The following GAB2 variants were observed in gnomAD, a reference collection of about 807,000 sequenced individuals.
The protein encoded by GAB2 is GRB2-associated-binding protein 2.
Under a neutral mutation model 65.5 loss-of-function variants are expected in GAB2, and 26 were observed. The observed-to-expected ratio is 0.40, with a 90% CI of 0.29 to 0.55. The LOEUF is 0.55. GAB2 is among the 20% of genes least tolerant of loss of function. GAB2 has a pLI of 0.53. For synonymous variants in GAB2, 321 were observed against 329.6 expected, an observed-to-expected ratio of 0.97 and a Z score of 0.28; for missense variants, 884 against 875.8, an observed-to-expected ratio of 1.01 and a Z score of -0.12.
chr11:78,215,883 A>C lies in GAB2; in HGVS notation c.*3389T>G, dbSNP rs1364429907. 6.5e-6 allele frequency: 1 copy of C among 152,714 alleles called. No homozygotes were observed. The highest frequency in any genetic ancestry group is 2.4e-5 in the African/African-American group (1 of 41,444). The allele number at this position is 152,714 out of a possible 1,614,324, so 9.5% of individuals were successfully genotyped here. ...GAAATGGGATAGGGGTGCTGGGCCGAGATGTCCCCATGGGAGAAGGGGCCA... is the reference window on the plus strand; with the variant it reads ...GAAATGGGATAGGGGTGCTGGGCCGCGATGTCCCCATGGGAGAAGGGGCCA... On this transcript the variant is annotated 3_prime_UTR_variant, in exon 10 of 10. Transcript: ENST00000361507.
chr11:78,299,096 AC>A (rs1439542065), intron 1 of GAB2, among the ~76,000 whole-genome samples: 1 of 152,180 alleles, frequency 6.6e-6, no homozygotes, highest in Non-Finnish European at 1.5e-5. Flanking sequence ...TCTACTACAG[AC>A]TATTCAAGGA....
chr11:78,260,596 C>T (rs1005069532), intron 2 of GAB2, among the ~76,000 whole-genome samples: 5 of 152,020 alleles, frequency 3.3e-5, no homozygotes, highest in East Asian at 3.9e-4. Context: ...CTCAGCCTCC[C>T]GAGTAGCTGG....
At chr11:78,412,414 T>A (rs188551604) in intron 1 of GAB2, among the ~76,000 whole-genome samples, 101 of 152,248 alleles carry the variant, frequency 6.6e-4, no homozygotes, top group African/African-American at 2.2e-3. Flanking sequence ...AAGTTCAAAA[T>A]CTTAAGTACT....
intron 1 of GAB2, among the ~76,000 whole-genome samples, chr11:78,395,191 C>T (rs536177630): frequency 1.7e-4 from 26 of 152,356 alleles, no homozygotes; most frequent in Admixed American, 2.6e-4. Context: ...CGGCGGCTCA[C>T]GCCTGTAATC....
chr11:78,300,695 G>T (rs10899463), intron 1 of GAB2, among the ~76,000 whole-genome samples: 8,312 of 112,484 alleles, frequency 0.074, 677 homozygotes, highest in African/African-American at 0.23. Flanking sequence ...GTTTTTTTTT[G>T]TTTTTTTTTT....
intron 1 of GAB2, among the ~76,000 whole-genome samples, chr11:78,309,321 C>T (rs781008585): frequency 6.6e-6 from 1 of 151,766 alleles, no homozygotes; most frequent in Non-Finnish European, 1.5e-5. Context: ...ACAACCATCA[C>T]CACTATTTAA....
intron 1 of GAB2, among the ~76,000 whole-genome samples, chr11:78,298,745 C>G (rs1437470013): frequency 6.6e-6 from 1 of 152,122 alleles, no homozygotes; most frequent in Non-Finnish European, 1.5e-5. Context: ...CTGAATTAAG[C>G]AAAGGTTACC....
intron 1 of GAB2, among the ~76,000 whole-genome samples, chr11:78,344,462 G>A (rs1856148647): frequency 6.6e-6 from 1 of 152,198 alleles, no homozygotes; most frequent in African/African-American, 2.4e-5. Flanking sequence ...GACGGAAAGA[G>A]AATCTATTTG....
At chr11:78,358,445 A>AATT (rs1430560796) in intron 1 of GAB2, among the ~76,000 whole-genome samples, 1 of 138,338 alleles carries the variant, frequency 7.2e-6, no homozygotes, top group African/African-American at 2.8e-5. Flanking sequence ...AAAATATAAT[A>AATT]ATAATAATAA....
chr11:78,334,579 G>T (rs1855967979), intron 1 of GAB2, among the ~76,000 whole-genome samples: 1 of 152,206 alleles, frequency 6.6e-6, no homozygotes, highest in Non-Finnish European at 1.5e-5. Context: ...TGTTGCAAAT[G>T]AGAGGATCTC....
chr11:78,316,825 T>C lies in GAB2; in HGVS notation c.76-35924A>G, dbSNP rs539454497. The stretch of plus-strand genomic sequence containing the variant: ...ACTGAAAGCAGGAACACAAACGGAA[T>C]ATTTTTACACCTATGTTCATTGCAG... On this transcript the variant is annotated intron_variant, in intron 1 of 9. Coordinates refer to ENST00000361507, the MANE Select transcript of GAB2 (RefSeq NM_080491.3). Among the ~76,000 whole-genome samples the C allele has an allele frequency of 1.0e-3, 154 of 152,330 alleles. 1 individual carries two copies. The highest frequency in any genetic ancestry group is 3.5e-3 in the African/African-American group (145 of 41,574).
intron 3 of GAB2, among the ~76,000 whole-genome samples, chr11:78,248,757 A>G (rs1029899761): frequency 6.6e-6 from 1 of 152,268 alleles, no homozygotes; most frequent in African/African-American, 2.4e-5. Context: ...TAATTGGCCC[A>G]AGATCACAAA....
intron 1 of GAB2, among the ~76,000 whole-genome samples, chr11:78,293,314 T>G (rs776333659): frequency 3.9e-5 from 6 of 152,192 alleles, no homozygotes; most frequent in Admixed American, 6.6e-5. Context: ...ACTATGACAT[T>G]CTGAGGTCAG....
intron 1 of GAB2, among the ~76,000 whole-genome samples, chr11:78,295,371 C>A (rs1185074245): frequency 6.6e-6 from 1 of 152,206 alleles, no homozygotes; most frequent in East Asian, 1.9e-4. Context: ...CGGAGTAACT[C>A]AGGGGTCCTT....
chr11:78,416,466 A>G (rs1456871959), intron 1 of GAB2, among the ~76,000 whole-genome samples: 2 of 152,112 alleles, frequency 1.3e-5, no homozygotes, highest in African/African-American at 2.4e-5. Flanking sequence ...CTCTCCCCCC[A>G]TGGACAGCCA....
intron 1 of GAB2, among the ~76,000 whole-genome samples, chr11:78,316,175 G>C (rs895799971): frequency 1.3e-5 from 2 of 152,124 alleles, no homozygotes; most frequent in Admixed American, 6.6e-5. Flanking sequence ...TGACTTAAAG[G>C]CTGCACTGTT....
chr11:78,221,843 C>G (rs1590938172), intron 7 of GAB2, 64 bp from the exon 8 acceptor site: 3 of 1,148,650 alleles, frequency 2.6e-6, no homozygotes, highest in Admixed American at 1.8e-5. Context: ...TTTCTAGCCT[C>G]CAGCTGGGCC....
chr11:78,281,028 A>C, intron 1 of GAB2, 127 bp from the exon 2 acceptor site: 28 of 730,414 alleles, frequency 3.8e-5, no homozygotes, highest in Non-Finnish European at 6.1e-5. Flanking sequence ...ATCAAAGCTC[A>C]CTGCAATCTT....
At chr11:78,277,168 C>T (rs2134578328) in intron 2 of GAB2, among the ~76,000 whole-genome samples, 1 of 152,296 alleles carries the variant, frequency 6.6e-6, no homozygotes, top group African/African-American at 2.4e-5. Context: ...TGCCACATCT[C>T]AAGAATATAT....
Sources: allele counts gnomAD v4.1 joint callset (sites outside exome capture counted in the v4.1 genomes callset), GRCh38; gene constraint gnomAD v4.1.1; transcripts MANE v1.5; gene names NCBI Gene and HGNC (gene_info 2026-07-23, HGNC 2026-07-21).